Variants in KAZN observed in about 807,000 individuals in gnomAD.
The protein encoded by KAZN is kazrin.
Under a neutral mutation model 87.4 loss-of-function variants are expected in KAZN, and 40 were observed. The ratio of observed to expected loss-of-function variants is 0.46; its 90% CI spans 0.36 to 0.60. The LOEUF (loss-of-function observed/expected upper bound fraction) is 0.60, where lower values mean the gene tolerates loss of function less well. KAZN is among the 20% of genes least tolerant of loss of function. KAZN has a pLI of 0.00. For synonymous variants in KAZN, 466 were observed against 458.3 expected (o/e 1.02, Z -0.22); for missense variants, 898 against 1,073.9 (o/e 0.84, Z 2.29).
chr1:14,697,707 C>A (rs1641694654), intron 1 of KAZN, among the ~76,000 whole-genome samples: 1 of 152,224 alleles, frequency 6.6e-6, no homozygotes, highest in Admixed American at 6.5e-5. Flanking sequence ...GGCCTAGAGA[C>A]AAAGCTCTTT....
intron 1 of KAZN, among the ~76,000 whole-genome samples, chr1:14,095,743 G>A (rs1396297462): frequency 1.3e-5 from 2 of 152,068 alleles, no homozygotes; most frequent in African/African-American, 2.4e-5. Context: ...CTTCTTACAC[G>A]GTTTCTCAGG....
chr1:14,082,125 G>A (rs3817953), intron 1 of KAZN, among the ~76,000 whole-genome samples: 15,120 of 152,068 alleles, frequency 0.099, 925 homozygotes, highest in East Asian at 0.13. Context: ...GCCACCAAAC[G>A]TTCCATGGTG....
intron 2 of KAZN, among the ~76,000 whole-genome samples, chr1:14,994,212 C>T (rs953930115): frequency 1.3e-5 from 2 of 152,218 alleles, no homozygotes; most frequent in Non-Finnish European, 1.5e-5. Flanking sequence ...GGCTGCAGGC[C>T]GTGGCCCTTG....
intron 2 of KAZN, among the ~76,000 whole-genome samples, chr1:14,429,760 G>A (rs899725779): frequency 1.3e-5 from 2 of 152,172 alleles, no homozygotes; most frequent in East Asian, 3.9e-4. Flanking sequence ...CACCGTCGTC[G>A]TCGTCATCAT....
intron 2 of KAZN, among the ~76,000 whole-genome samples, chr1:14,586,830 T>C (rs975378075): frequency 8.5e-5 from 13 of 152,188 alleles, no homozygotes; most frequent in African/African-American, 2.7e-4. Context: ...ATCAATCAAA[T>C]GCCAGTTTAA....
At chr1:14,542,562 A>C (rs1047107443) in intron 2 of KAZN, among the ~76,000 whole-genome samples, 42 of 152,340 alleles carry the variant, frequency 2.8e-4, no homozygotes, top group African/African-American at 9.4e-4. Flanking sequence ...TTTAAATTTC[A>C]AATTGTCATT....
intron 2 of KAZN, among the ~76,000 whole-genome samples, chr1:14,543,459 TG>T (rs1450880240): frequency 2.0e-5 from 3 of 152,112 alleles, no homozygotes; most frequent in Non-Finnish European, 2.9e-5. Context: ...AGGGACACAT[TG>T]GAGAGCTAGA....
chr1:14,776,983 C>CTTTGT (rs891044168), intron 1 of KAZN, among the ~76,000 whole-genome samples: 5 of 143,380 alleles, frequency 3.5e-5, no homozygotes, highest in African/African-American at 1.0e-4. Context: ...GGTATTTCTT[C>CTTTGT]TTTGTTTTGT....
chr1:14,882,100 T>C (rs560932999), intron 1 of KAZN, among the ~76,000 whole-genome samples: 2 of 152,190 alleles, frequency 1.3e-5, no homozygotes, highest in Non-Finnish European at 2.9e-5. Context: ...GTAAGACCCA[T>C]GCTGCTGGTC....
chr1:14,211,059 G>A (rs1209807617), intron 2 of KAZN, among the ~76,000 whole-genome samples: 1 of 152,064 alleles, frequency 6.6e-6, no homozygotes, highest in Non-Finnish European at 1.5e-5. Context: ...ACACACAGGA[G>A]TTCCCATGTA....
At chr1:15,049,905 T>G (rs866966958) in intron 4 of KAZN, among the ~76,000 whole-genome samples, 2 of 152,046 alleles carry the variant, frequency 1.3e-5, no homozygotes, top group Admixed American at 1.3e-4. Flanking sequence ...GCGCCTGTAA[T>G]CCCAGCTACT....
intron 2 of KAZN, among the ~76,000 whole-genome samples, chr1:15,019,809 T>C (rs1184718832): frequency 6.6e-6 from 1 of 152,168 alleles, no homozygotes; most frequent in Non-Finnish European, 1.5e-5. Flanking sequence ...AATCACTCAA[T>C]AAATGCTGAC....
At chr1:14,016,882 G>A (rs1042165239) in intron 1 of KAZN, among the ~76,000 whole-genome samples, 2 of 152,294 alleles carry the variant, frequency 1.3e-5, no homozygotes, top group Non-Finnish European at 2.9e-5. Flanking sequence ...GGTAATTTTT[G>A]TATGTGCATT....
intron 8 of KAZN, among the ~76,000 whole-genome samples, chr1:15,078,628 A>G (rs1317436436): frequency 1.3e-5 from 2 of 152,194 alleles, no homozygotes; most frequent in African/African-American, 4.8e-5. Context: ...GAGAAGATTA[A>G]TTCACAAAAT....
At chr1:14,824,530 A>T (rs1350766113) in intron 1 of KAZN, among the ~76,000 whole-genome samples, 1 of 152,232 alleles carries the variant, frequency 6.6e-6, no homozygotes, top group Non-Finnish European at 1.5e-5. Context: ...AGGAAATGAC[A>T]CAGGTTTCAG....
chr1:14,819,706 C>A (rs12131142), intron 1 of KAZN, among the ~76,000 whole-genome samples: 8,351 of 117,510 alleles, frequency 0.071, 310 homozygotes, highest in Admixed American at 0.14. Context: ...GAAAAAAAAT[C>A]TTTTTTTTTT....
At chr1:14,983,656 G>A (rs1280454750) in intron 2 of KAZN, among the ~76,000 whole-genome samples, 1 of 152,156 alleles carries the variant, frequency 6.6e-6, no homozygotes, top group Non-Finnish European at 1.5e-5. Context: ...TAAAGCCTAA[G>A]AGAGGCCGGG....
At chr1:15,088,939 C>A (rs1378905189) in intron 8 of KAZN, among the ~76,000 whole-genome samples, 1 of 152,050 alleles carries the variant, frequency 6.6e-6, no homozygotes, top group Non-Finnish European at 1.5e-5. Context: ...AGCCCTGAGG[C>A]CTGCTCACTA....
chr1:14,016,016 C>T (rs968321938), intron 1 of KAZN, among the ~76,000 whole-genome samples: 2 of 152,032 alleles, frequency 1.3e-5, no homozygotes, highest in East Asian at 2.0e-4. Flanking sequence ...ACAAGGGCAA[C>T]AGGCACTCAA....
Sources: gnomAD v4.1 joint callset for allele counts (sites outside exome capture counted in the v4.1 genomes callset) on GRCh38, gnomAD v4.1.1 for gene constraint, MANE v1.5 for transcripts, NCBI Gene and HGNC (gene_info 2026-07-23, HGNC 2026-07-21) for gene names.